The following PEMT variants were observed in gnomAD, a reference collection of about 807,000 sequenced individuals.
PEMT encodes phosphatidylethanolamine N-methyltransferase, also known as phospholipid methyltransferase.
Under a neutral mutation model 27.4 loss-of-function variants are expected in PEMT, and 23 were observed. The ratio of observed to expected loss-of-function variants is 0.84; its 90% CI spans 0.60 to 1.19. The LOEUF is 1.19. Ranked by LOEUF, PEMT falls within the 50% of genes most tolerant of loss-of-function variation. PEMT has a pLI of 0.00. For synonymous variants in PEMT, 137 were observed against 139.1 expected, an observed-to-expected ratio of 0.98 and a Z score of 0.11; for missense variants, 307 against 310.1, an observed-to-expected ratio of 0.99 and a Z score of 0.07.
At chr17:17,570,339 G>A (rs1302478886) in intron 2 of PEMT, 1 of 167,158 alleles carries the variant, frequency 6.0e-6, no homozygotes, top group African/African-American at 2.4e-5. Flanking sequence ...GCTGTGCTGA[G>A]GGGTAGGTAC....
chr17:17,557,606 T>A (rs1910150950), intron 2 of PEMT, among the ~76,000 whole-genome samples: 1 of 152,212 alleles, frequency 6.6e-6, no homozygotes, highest in Admixed American at 6.5e-5. Flanking sequence ...AGAACAGTAC[T>A]TTCCATTGGG....
intron 3 of PEMT, among the ~76,000 whole-genome samples, chr17:17,517,030 G>A (rs1364143813): frequency 6.6e-6 from 1 of 152,214 alleles, no homozygotes; most frequent in Non-Finnish European, 1.5e-5. Flanking sequence ...AAGCCAGAGA[G>A]ACCAAAAGCC....
intron 2 of PEMT, among the ~76,000 whole-genome samples, chr17:17,545,740 T>G (rs1909214168): frequency 1.3e-5 from 2 of 152,138 alleles, no homozygotes; most frequent in South Asian, 2.1e-4. Context: ...GTAGGAAATG[T>G]CCTCCGTTTT....
intron 3 of PEMT, among the ~76,000 whole-genome samples, chr17:17,520,971 C>A (rs1446121254): frequency 1.3e-5 from 2 of 152,258 alleles, no homozygotes; most frequent in African/African-American, 4.8e-5. Context: ...GGGGCCTGAC[C>A]ACCAGCAAGG....
rs887760154 is a variant in PEMT at position 17,523,105 on chromosome 17, T to A, written c.205-710A>T. 2.0e-5 allele frequency among the ~76,000 whole-genome samples: 3 copies of A among 152,164 alleles called. No individual in the cohort carries two copies. Among genetic ancestry groups the A allele is most frequent in the African/African-American group, 4.8e-5 (2 of 41,434 alleles). Reference sequence around the variant, plus strand: ...GCTGTTTCCACAGTCCTGAGCTGGTTATCGCCCGGGCCTGGCCCAGCACAC... The same window carrying A: ...GCTGTTTCCACAGTCCTGAGCTGGTAATCGCCCGGGCCTGGCCCAGCACAC... On this transcript the variant is annotated intron_variant, in intron 2 of 6. Transcript: ENST00000255389. The surrounding 1 kb of genome is among the most constrained non-coding windows in gnomAD (Gnocchi z 4.8).
At chr17:17,514,406 TCTC>T (rs1441314737) in intron 3 of PEMT, among the ~76,000 whole-genome samples, 2 of 152,198 alleles carry the variant, frequency 1.3e-5, no homozygotes, top group Non-Finnish European at 1.5e-5. Context: ...GCTCCTTCCT[TCTC>T]CTCCCATCCC....
chr17:17,577,234 C>T (rs891497444), intron 1 of PEMT, among the ~76,000 whole-genome samples: 12 of 152,096 alleles, frequency 7.9e-5, no homozygotes, highest in Non-Finnish European at 1.3e-4. Context: ...GGAGGGCGGC[C>T]GCAGAAATGT....
At chr17:17,576,423 A>G (rs1911592668) in intron 2 of PEMT, among the ~76,000 whole-genome samples, 1 of 152,194 alleles carries the variant, frequency 6.6e-6, no homozygotes, top group African/African-American at 2.4e-5. Flanking sequence ...CAGCTCGCCT[A>G]GGTCCGGAAT....
chr17:17,505,780 T>G lies in PEMT; in HGVS notation c.*11A>C. On this transcript the variant is annotated 3_prime_UTR_variant, in exon 7 of 7. Coordinates refer to ENST00000255389, the MANE Select transcript of PEMT (RefSeq NM_148172.3). ...GCTGGCCAGGCCTTCAGCAAAGCTG[T>G]TGCAGCTCAATCAGCTCCTCTTGTG... 6.2e-7 allele frequency: 1 copy of G among 1,607,600 alleles called. No homozygotes were observed. The highest frequency in any genetic ancestry group is 8.5e-7 in the Non-Finnish European group (1 of 1,176,602).
intron 2 of PEMT, among the ~76,000 whole-genome samples, chr17:17,562,489 C>T (rs967956349): frequency 6.6e-6 from 1 of 152,228 alleles, no homozygotes; most frequent in Non-Finnish European, 1.5e-5. Flanking sequence ...CGCTCAAAGG[C>T]TGTTGGGGAA....
At chr17:17,571,393 C>A (rs1339989902) in intron 2 of PEMT, among the ~76,000 whole-genome samples, 7 of 152,184 alleles carry the variant, frequency 4.6e-5, no homozygotes, top group African/African-American at 1.7e-4. Context: ...GCCGGGAAAG[C>A]CTCCCATGGT....
chr17:17,584,097 C>A (rs931809494), intron 1 of PEMT, among the ~76,000 whole-genome samples: 4 of 152,204 alleles, frequency 2.6e-5, no homozygotes, highest in Non-Finnish European at 4.4e-5. Context: ...GCCCTGCTCG[C>A]CTCCACGCTG....
intron 2 of PEMT, among the ~76,000 whole-genome samples, chr17:17,566,891 G>T (rs1248136314): frequency 6.6e-6 from 1 of 152,210 alleles, no homozygotes; most frequent in Non-Finnish European, 1.5e-5. Flanking sequence ...CTAAGAAAAG[G>T]GAAAGTAACT....
chr17:17,545,181 C>G (rs1909167880), intron 2 of PEMT, among the ~76,000 whole-genome samples: 1 of 152,352 alleles, frequency 6.6e-6, no homozygotes, highest in South Asian at 2.1e-4. Flanking sequence ...GCAGCCGGGA[C>G]CTCAGTTGTC....
chr17:17,552,628 C>T (rs958809099), intron 2 of PEMT, among the ~76,000 whole-genome samples: 5 of 152,222 alleles, frequency 3.3e-5, no homozygotes, highest in African/African-American at 1.2e-4. Flanking sequence ...AGAAATGCGG[C>T]CACGGTGGCC....
intron 3 of PEMT, among the ~76,000 whole-genome samples, chr17:17,521,377 C>T (rs910911140): frequency 1.3e-5 from 2 of 152,184 alleles, no homozygotes; most frequent in African/African-American, 2.4e-5. Flanking sequence ...ATCCCCAGGT[C>T]GCCTGCAGCC....
chr17:17,548,379 G>T (rs1909405125), intron 2 of PEMT, among the ~76,000 whole-genome samples: 1 of 152,216 alleles, frequency 6.6e-6, no homozygotes, highest in Non-Finnish European at 1.5e-5. Context: ...GCTCCTAGGG[G>T]TCTTCTGGAG....
chr17:17,515,646 C>T (rs1352368935), intron 3 of PEMT, among the ~76,000 whole-genome samples: 1 of 152,216 alleles, frequency 6.6e-6, no homozygotes, highest in Non-Finnish European at 1.5e-5. Context: ...TCTCATGGCC[C>T]GAATTAGGCA....
At chr17:17,541,480 G>A (rs979612723) in intron 2 of PEMT, among the ~76,000 whole-genome samples, 15 of 152,194 alleles carry the variant, frequency 9.9e-5, no homozygotes, top group African/African-American at 1.4e-4. Context: ...ACCACCGGCC[G>A]CAGCAGCAGC....
Sources: gnomAD v4.1 joint callset for allele counts (sites outside exome capture counted in the v4.1 genomes callset) on GRCh38, gnomAD v4.1.1 for gene constraint, Gnocchi (gnomAD v3.1) non-coding constraint, MANE v1.5 for transcripts, NCBI Gene and HGNC (gene_info 2026-07-23, HGNC 2026-07-21) for gene names.